The following CORO2B variants were observed in gnomAD, a reference collection of about 807,000 sequenced individuals.
CORO2B encodes the protein coronin 2B, also known as coronin-2B.
CORO2B carries 26 observed loss-of-function variants against 58.8 expected under a neutral mutation model. That is an observed-to-expected ratio of 0.44 (90% CI 0.32 to 0.61). The LOEUF (loss-of-function observed/expected upper bound fraction) is 0.61, where lower values mean the gene tolerates loss of function less well. CORO2B is among the 20% of genes least tolerant of loss of function. The pLI, the probability that CORO2B is intolerant of heterozygous loss-of-function variation, is 0.04. For synonymous variants in CORO2B, 242 were observed against 253.8 expected (o/e 0.95, Z 0.44); for missense variants, 460 against 645.1 (o/e 0.71, Z 3.11).
At chr15:68,535,568 C>T in the CORO2B span, among the ~76,000 whole-genome samples, 1 of 152,106 alleles carries the variant, frequency 6.6e-6, no homozygotes, top group Non-Finnish European at 1.5e-5. Context: ...AGTGTTGATA[C>T]CACTCTGCTC....
chr15:68,692,235 A>C (rs1173293754), intron 2 of CORO2B, among the ~76,000 whole-genome samples: 1 of 152,210 alleles, frequency 6.6e-6, no homozygotes, highest in East Asian at 1.9e-4. Context: ...CCAGAGTTAA[A>C]GATAACGTGC....
chr15:68,712,207 AT>A (rs1395406161), intron 5 of CORO2B, among the ~76,000 whole-genome samples: 1 of 152,154 alleles, frequency 6.6e-6, no homozygotes. Context: ...AGAAATTACC[AT>A]TTTTTGAGCA....
At chr15:68,698,297 G>A (rs534329200) in intron 3 of CORO2B, among the ~76,000 whole-genome samples, 2 of 152,300 alleles carry the variant, frequency 1.3e-5, no homozygotes, top group Non-Finnish European at 2.9e-5. Context: ...GATGAGCAGT[G>A]CCTGTCTTGA....
intron 1 of CORO2B, among the ~76,000 whole-genome samples, chr15:68,591,798 A>G (rs1044749577): frequency 1.3e-5 from 2 of 152,168 alleles, no homozygotes; most frequent in African/African-American, 4.8e-5. Flanking sequence ...GTTCGATCTA[A>G]GGGTTGAGAA....
chr15:68,528,460 C>A, the CORO2B span, among the ~76,000 whole-genome samples: 6 of 152,098 alleles, frequency 3.9e-5, no homozygotes, highest in African/African-American at 1.4e-4. Flanking sequence ...TTTTGGATAT[C>A]AAATCAATCT....
chr15:68,634,869 C>T (rs1900978054), intron 1 of CORO2B, among the ~76,000 whole-genome samples: 2 of 152,188 alleles, frequency 1.3e-5, no homozygotes, highest in South Asian at 4.1e-4. Context: ...CTGGGATTCT[C>T]CATTTCTAAC....
intron 1 of CORO2B, among the ~76,000 whole-genome samples, 189 bp downstream of exon 1, chr15:68,579,466 A>G (rs1161868964): frequency 2.6e-5 from 4 of 151,440 alleles, no homozygotes; most frequent in African/African-American, 9.7e-5. Context: ...GGCCAGGGGG[A>G]GGATGCCGCT....
intron 2 of CORO2B, among the ~76,000 whole-genome samples, chr15:68,693,862 G>A (rs910537372): frequency 2.0e-5 from 3 of 152,112 alleles, no homozygotes; most frequent in African/African-American, 7.2e-5. Context: ...TTGAGACAGA[G>A]TCTTGCTCTG....
In CORO2B at chr15:68,621,074, C is replaced by T. The variant is rs190971531; in HGVS notation, c.16-24086C>T. ...GGTGTGTTACTCAGCTTGGAGTGGA[C>T]GGATGAGATCGGCAGTGAATATTCT... On this transcript the variant is annotated intron_variant, in intron 1 of 11. Coordinates refer to ENST00000261861, the MANE Select transcript of CORO2B (RefSeq NM_006091.5). Among the ~76,000 whole-genome samples, 16 of 152,326 alleles carry T rather than the reference C, an allele frequency of 1.1e-4. No homozygotes were observed. In the East Asian group the frequency reaches 1.4e-3, roughly 13 times the overall value.
chr15:68,528,672 T>C, the CORO2B span, among the ~76,000 whole-genome samples: 1 of 151,304 alleles, frequency 6.6e-6, no homozygotes, highest in East Asian at 1.9e-4. Flanking sequence ...ATATGTTCCC[T>C]CCTCTTTTTT....
At chr15:68,663,459 C>T (rs556127995) in intron 2 of CORO2B, among the ~76,000 whole-genome samples, 52 of 152,262 alleles carry the variant, frequency 3.4e-4, no homozygotes, top group African/African-American at 1.2e-3. Context: ...GTGCTTTCTT[C>T]CAGGAAACAC....
intron 4 of CORO2B, among the ~76,000 whole-genome samples, chr15:68,711,320 GC>G (rs1248885081): frequency 6.6e-6 from 1 of 152,182 alleles, no homozygotes; most frequent in Non-Finnish European, 1.5e-5. Flanking sequence ...CATAAACTGA[GC>G]CCAGGCTGGT....
intron 2 of CORO2B, among the ~76,000 whole-genome samples, chr15:68,671,606 G>T (rs1316777745): frequency 6.6e-6 from 1 of 152,202 alleles, no homozygotes; most frequent in African/African-American, 2.4e-5. Flanking sequence ...TCATCTGAAG[G>T]CTCGACTGGG....
upstream of CORO2B, chr15:68,578,980 CCT>C: frequency 6.1e-6 from 6 of 978,646 alleles, no homozygotes; most frequent in South Asian, 2.8e-4. This position sits in a 1 kb window ranked among gnomAD's most constrained non-coding sequence, Gnocchi z 4.2. Flanking sequence ...GGGCCCTCTC[CCT>C]CTCTCCCTTT....
At chr15:68,667,285 C>T (rs1237639506) in intron 2 of CORO2B, among the ~76,000 whole-genome samples, 3 of 152,150 alleles carry the variant, frequency 2.0e-5, no homozygotes, top group South Asian at 2.1e-4. Flanking sequence ...CTCAGGGCAC[C>T]GCCTCCAGGA....
Position 68,714,268 on chromosome 15 carries a change from G to A in CORO2B, c.765+227G>A, listed in dbSNP as rs3764204. Among the ~76,000 whole-genome samples the A allele has an allele frequency of 2.7e-3, 405 of 152,248 alleles. 8 individuals carry two copies. The East Asian group carries it at 0.071, about 27-fold the overall frequency. Reference sequence around the variant, plus strand: ...TTCACCCTCTTTTTCCAGAGTGGGGGCTGAGCTCCAGAGAGATTGAGAGAC... The same window carrying A: ...TTCACCCTCTTTTTCCAGAGTGGGGACTGAGCTCCAGAGAGATTGAGAGAC... On this transcript the variant is annotated intron_variant, in intron 6 of 11. Coordinates refer to ENST00000261861, the MANE Select transcript of CORO2B (RefSeq NM_006091.5).
chr15:68,581,007 A>G (rs1032017409), intron 1 of CORO2B, among the ~76,000 whole-genome samples: 38 of 152,108 alleles, frequency 2.5e-4, no homozygotes, highest in Non-Finnish European at 1.9e-4. Flanking sequence ...GTCTGTCTCA[A>G]TCTATGGCCA....
intron 2 of CORO2B, among the ~76,000 whole-genome samples, chr15:68,691,968 G>A (rs1163869217): frequency 1.3e-5 from 2 of 152,202 alleles, no homozygotes; most frequent in African/African-American, 2.4e-5. Flanking sequence ...CAGCTTTTGC[G>A]ATCAGATGGA....
chr15:68,602,075 A>G (rs1010724568), intron 1 of CORO2B, among the ~76,000 whole-genome samples: 1 of 151,282 alleles, frequency 6.6e-6, no homozygotes, highest in African/African-American at 2.4e-5. Flanking sequence ...TCATGGCCTA[A>G]TCACCTCTGA....
Sources: allele counts gnomAD v4.1 joint callset (sites outside exome capture counted in the v4.1 genomes callset), GRCh38; gene constraint gnomAD v4.1.1; non-coding constraint Gnocchi (gnomAD v3.1); transcripts MANE v1.5; gene names NCBI Gene and HGNC (gene_info 2026-07-23, HGNC 2026-07-21).